The following NUDCD1 variants were observed in gnomAD, a reference collection of about 807,000 sequenced individuals.
The protein encoded by NUDCD1 is nudC domain-containing protein 1.
NUDCD1 carries 60 observed loss-of-function variants against 67.8 expected under a neutral mutation model. The observed-to-expected ratio is 0.88, with a 90% CI of 0.72 to 1.10. NUDCD1 has a LOEUF of 1.10. Ranked by LOEUF, NUDCD1 falls within the 50% of genes least tolerant of loss-of-function variation. The pLI is 0.00. For synonymous variants in NUDCD1, 244 were observed against 230.8 expected (o/e 1.06, Z -0.52); for missense variants, 643 against 695.0 (o/e 0.93, Z 0.84).
chr8:109,302,328 A>C (rs185891989), intron 2 of NUDCD1, among the ~76,000 whole-genome samples: 21 of 152,204 alleles, frequency 1.4e-4, no homozygotes, highest in African/African-American at 5.1e-4. Context: ...GCATTCTTTT[A>C]CACATCGGTC....
chr8:109,258,070 T>C (rs1813779544), intron 8 of NUDCD1, among the ~76,000 whole-genome samples: 1 of 152,152 alleles, frequency 6.6e-6, no homozygotes, highest in Non-Finnish European at 1.5e-5. Flanking sequence ...CCTAGTCAAG[T>C]AATCTTTGCC....
chr8:109,313,875 A>C (rs759646881), intron 2 of NUDCD1: 56 of 949,872 alleles, frequency 5.9e-5, no homozygotes, highest in Non-Finnish European at 7.6e-5. Flanking sequence ...AGAATGATTA[A>C]GATACTTGAG....
At chr8:109,257,443 A>T (rs1156760190) in intron 8 of NUDCD1, among the ~76,000 whole-genome samples, 2 of 152,154 alleles carry the variant, frequency 1.3e-5, no homozygotes, top group Non-Finnish European at 2.9e-5. Flanking sequence ...AGGACACATT[A>T]AGGAAAACCT....
chr8:109,311,559 G>GTGTGTGTATGTATATATATATA, intron 2 of NUDCD1, among the ~76,000 whole-genome samples: 11 of 125,148 alleles, frequency 8.8e-5, no homozygotes, highest in African/African-American at 3.5e-4. Flanking sequence ...AAACTGTGGT[G>GTGTGTGTATGTATATATATATA]TATATATATA....
chr8:109,279,926 C>T (rs955654534), intron 6 of NUDCD1, among the ~76,000 whole-genome samples: 5 of 152,196 alleles, frequency 3.3e-5, no homozygotes, highest in Admixed American at 3.3e-4. Context: ...GCCACTGTGC[C>T]TGGCCACTTA....
At chr8:109,329,862 A>G (rs1815766122) in intron 1 of NUDCD1, 2 of 1,549,276 alleles carry the variant, frequency 1.3e-6, no homozygotes, top group African/African-American at 1.4e-5. Flanking sequence ...GGGACCCTTC[A>G]ATACAAAATC....
rs774210823 is a variant in NUDCD1 at position 109,333,877 on chromosome 8, C to T, written c.118+16G>A. 7.4e-6 allele frequency: 12 copies of T among 1,613,386 alleles called. No individual in the cohort carries two copies. The highest frequency in any genetic ancestry group is 1.0e-5 in the Non-Finnish European group (12 of 1,179,586). On this transcript the variant is annotated intron_variant, in intron 1 of 9. Coordinates refer to ENST00000239690, the MANE Select transcript of NUDCD1 (RefSeq NM_032869.4). Reference sequence around the variant, plus strand: ...GGGGAAAGGAACGGAGTACGAAGGGCGCCGCCGCTTCCCACCTGCGTCAAG... The same window carrying T: ...GGGGAAAGGAACGGAGTACGAAGGGTGCCGCCGCTTCCCACCTGCGTCAAG...
intron 2 of NUDCD1, among the ~76,000 whole-genome samples, chr8:109,300,005 A>C (rs955952917): frequency 3.3e-5 from 5 of 152,148 alleles, no homozygotes; most frequent in African/African-American, 1.2e-4. Context: ...CAGAGATAAC[A>C]ATCACTACAG....
intron 4 of NUDCD1, among the ~76,000 whole-genome samples, chr8:109,291,045 T>C (rs952698642): frequency 3.9e-5 from 6 of 152,166 alleles, no homozygotes; most frequent in Non-Finnish European, 7.4e-5. Flanking sequence ...ACATCACATA[T>C]TTATAGCGTG....
rs535139419 is a variant in NUDCD1, at chr8:109,243,277, T to A, written c.1484A>T (p.Asp495Val). The A allele has an allele frequency of 6.2e-7, 1 of 1,600,768 alleles. No homozygotes were observed. The highest frequency in any genetic ancestry group is 1.1e-5 in the South Asian group (1 of 89,922). Residue 495 changes from aspartate to valine, a missense_variant, in exon 10 of 10, where the codon GAC (aspartate) becomes GTC (valine). Asp to Val is a radical substitution (Grantham distance 152). Transcript: ENST00000239690. Reference sequence around the variant, plus strand: ...TGGAGCACAGGCAAAAAATTTTTTGTCTCTCTTTGATGCTTGGACATAGCC... The same window carrying A: ...TGGAGCACAGGCAAAAAATTTTTTGACTCTCTTTGATGCTTGGACATAGCC... ...ALGYVQASKR[D>V]KKFFACAPNY...
chr8:109,276,529 T>C (rs1814292815), intron 6 of NUDCD1, among the ~76,000 whole-genome samples: 1 of 152,214 alleles, frequency 6.6e-6, no homozygotes, highest in African/African-American at 2.4e-5. Flanking sequence ...TTACAATCAC[T>C]ACCTTATGAA....
At chr8:109,281,490 A>T (rs1814437835) in intron 5 of NUDCD1, among the ~76,000 whole-genome samples, 1 of 151,932 alleles carries the variant, frequency 6.6e-6, no homozygotes, top group Admixed American at 6.6e-5. Context: ...TCTTTCCTTT[A>T]AACAAACACA....
intron 7 of NUDCD1, among the ~76,000 whole-genome samples, chr8:109,273,659 A>C (rs1427974455): frequency 6.6e-6 from 1 of 152,148 alleles, no homozygotes; most frequent in East Asian, 1.9e-4. Context: ...AAACATTAAA[A>C]ACTAAGGCAC....
In NUDCD1 at chr8:109,242,937, A is replaced by T; in HGVS notation, c.*72T>A. On this transcript the variant is annotated 3_prime_UTR_variant, in exon 10 of 10. Coordinates refer to ENST00000239690, the MANE Select transcript of NUDCD1 (RefSeq NM_032869.4). ...AGCACATTAAAACTTAAGAGGTTAC[A>T]GTATAACTGTCCAGACCTCCAGGTA... The T allele has an allele frequency of 1.1e-6, 1 of 924,672 alleles. No homozygotes were observed. Among genetic ancestry groups the T allele is most frequent in the Non-Finnish European group, 1.7e-6 (1 of 598,028 alleles). The allele number at this position is 924,672 out of a possible 1,614,324, so 57.3% of individuals were successfully genotyped here. A position where few individuals can be genotyped will look rare whatever the true frequency, so the allele number is the denominator to read the frequency against.
rs1815237805 is a variant in NUDCD1, at chr8:109,311,110, G to A, written c.273+11199C>T. Among the ~76,000 whole-genome samples the A allele has an allele frequency of 1.3e-5, 2 of 151,998 alleles. 1 individual carries two copies. Among genetic ancestry groups the A allele is most frequent in the South Asian group, 4.2e-4 (2 of 4,816 alleles). On this transcript the variant is annotated intron_variant, in intron 2 of 9. Coordinates refer to ENST00000239690, the MANE Select transcript of NUDCD1 (RefSeq NM_032869.4). ...ATTACAGGCATAAGCCACCACACCT[G>A]GCCATGAATAGACAATTCTTAAAAG...
At chr8:109,281,292 A>G in intron 5 of NUDCD1, 120 bp from the exon 6 acceptor site, 1 of 622,600 alleles carries the variant, frequency 1.6e-6, no homozygotes, top group Non-Finnish European at 2.8e-6. Flanking sequence ...AAACGTAATT[A>G]TAAACAAACA....
At chr8:109,262,911 T>C (rs907296230) in intron 8 of NUDCD1, among the ~76,000 whole-genome samples, 1 of 151,460 alleles carries the variant, frequency 6.6e-6, no homozygotes, top group East Asian at 2.0e-4. Flanking sequence ...AAAAATTAGC[T>C]GGGTCTAATG....
intron 8 of NUDCD1, among the ~76,000 whole-genome samples, chr8:109,266,785 TTAAA>T (rs1215657677): frequency 6.6e-6 from 1 of 152,186 alleles, no homozygotes; most frequent in Non-Finnish European, 1.5e-5. Flanking sequence ...CAGAGAAATA[TTAAA>T]TATTCAGTTC....
intron 3 of NUDCD1, among the ~76,000 whole-genome samples, chr8:109,295,354 TTC>T (rs1273202577): frequency 6.6e-6 from 1 of 152,142 alleles, no homozygotes; most frequent in Non-Finnish European, 1.5e-5. Flanking sequence ...ACCACATTAC[TTC>T]TGTTTTTCAG....
Sources: gnomAD v4.1 joint callset for allele counts (sites outside exome capture counted in the v4.1 genomes callset) on GRCh38, gnomAD v4.1.1 for gene constraint, MANE v1.5 for transcripts, NCBI Gene and HGNC (gene_info 2026-07-23, HGNC 2026-07-21) for gene names.